Variants in NRXN1 observed in about 807,000 individuals in gnomAD.
The protein encoded by NRXN1 is neurexin 1, also known as neurexin-1.
A neutral mutation model predicts 150.9 loss-of-function variants in NRXN1; 39 were observed. The ratio of observed to expected loss-of-function variants is 0.26; its 90% CI spans 0.20 to 0.34. The LOEUF (loss-of-function observed/expected upper bound fraction) is 0.34. Among genes scored for constraint, NRXN1 ranks in the 10% least tolerant of loss-of-function variants. The pLI is 1.00. For missense variants in NRXN1, 1,815 were observed against 1,949.9 expected, an observed-to-expected ratio of 0.93 and a Z score of 1.30; for synonymous variants, 924 against 757.0, an observed-to-expected ratio of 1.22 and a Z score of -3.62.
intron 17 of NRXN1, among the ~76,000 whole-genome samples, chr2:50,448,535 T>G (rs963651802): frequency 6.6e-6 from 1 of 152,200 alleles, no homozygotes; most frequent in Non-Finnish European, 1.5e-5. Context: ...GAACATGTAA[T>G]TTCAGATTAG....
At position 50,775,050 on chromosome 2, in the gene NRXN1, A is replaced by AAGG. The variant is rs1703441774; in HGVS notation, c.832+146818_832+146819insCCT. 4.6e-5 allele frequency among the ~76,000 whole-genome samples: 7 copies of AAGG among 152,238 alleles called. No homozygotes were observed. The South Asian group carries it at 1.5e-3, about 32-fold the overall frequency. ...AAGAACTTTGCATTCCTACTGCTCTACTCCATCCTTTGCTTTAAGCACAAA... is the reference window on the plus strand; with the variant it reads ...AAGAACTTTGCATTCCTACTGCTCTAAGGCTCCATCCTTTGCTTTAAGCACAAA... On this transcript the variant is annotated intron_variant, in intron 5 of 22. Transcript: ENST00000401669.
intron 5 of NRXN1, among the ~76,000 whole-genome samples, chr2:50,805,633 C>CT (rs141935148): frequency 0.032 from 4,909 of 152,146 alleles, 162 homozygotes; most frequent in East Asian, 0.081. Flanking sequence ...GAGTGAGACT[C>CT]TGTCAAAAGG....
intron 2 of NRXN1, among the ~76,000 whole-genome samples, chr2:51,000,686 A>AT (rs547690432): frequency 2.0e-5 from 3 of 151,838 alleles, no homozygotes; most frequent in Non-Finnish European, 4.4e-5. Context: ...AGATGTTTTG[A>AT]TTTTTTTTAA....
chr2:51,001,914 G>A (rs528730300), intron 2 of NRXN1, among the ~76,000 whole-genome samples: 24 of 152,028 alleles, frequency 1.6e-4, no homozygotes, highest in African/African-American at 5.8e-4. Context: ...ATATTCAGGT[G>A]AAAGATACCC....
intron 12 of NRXN1, among the ~76,000 whole-genome samples, chr2:50,525,551 C>T (rs549703846): frequency 1.4e-4 from 22 of 152,094 alleles, no homozygotes; most frequent in Non-Finnish European, 2.5e-4. Context: ...TTAATCTAAT[C>T]CCAAATTGTA....
intron 5 of NRXN1, among the ~76,000 whole-genome samples, chr2:50,887,003 G>C (rs1680347777): frequency 6.6e-6 from 1 of 151,272 alleles, no homozygotes; most frequent in Non-Finnish European, 1.5e-5. Context: ...ATTTGGATGA[G>C]AACTACAATA....
chr2:50,401,375 G>A (rs1023284148), intron 17 of NRXN1, among the ~76,000 whole-genome samples: 2 of 152,126 alleles, frequency 1.3e-5, no homozygotes, highest in Non-Finnish European at 2.9e-5. Flanking sequence ...GGACAGTCAG[G>A]AGATGTTCCA....
At position 50,497,623 on chromosome 2, in the gene NRXN1, G is replaced by C. The variant is rs770970511; in HGVS notation, c.2589C>G (p.Ser863=). 9.3e-6 allele frequency: 15 copies of C among 1,613,792 alleles called. No individual in the cohort carries two copies. The highest frequency in any genetic ancestry group is 1.3e-5 in the Non-Finnish European group (15 of 1,179,874). The part of the protein sequence containing the change: ...TERRYLSSVP[S]NFIGHLQSLT... ...AGCTCTGCAGGTGTCCAATGAAGTTGGAGGGGACAGAAGAAAGATACCGTC... is the reference window on the plus strand; with the variant it reads ...AGCTCTGCAGGTGTCCAATGAAGTTCGAGGGGACAGAAGAAAGATACCGTC... Residue 863 remains serine, a synonymous_variant, in exon 14 of 23, where the codon TCC becomes TCG. Coordinates refer to ENST00000401669, the MANE Select transcript of NRXN1 (RefSeq NM_001330078.2).
rs552187256 is a variant in NRXN1, at chr2:50,699,639, A to C, written c.833-76024T>G. On this transcript the variant is annotated intron_variant, in intron 5 of 22. Transcript: ENST00000401669. ...CAAGGAAACTGGACCTTAGGCCCACAACCAGAAGGGAGTGAATTTAGTCAA... is the reference window on the plus strand; with the variant it reads ...CAAGGAAACTGGACCTTAGGCCCACCACCAGAAGGGAGTGAATTTAGTCAA... Among the ~76,000 whole-genome samples the C allele has an allele frequency of 7.9e-5, 12 of 152,132 alleles. 1 individual carries two copies. The East Asian group carries it at 2.3e-3, about 30-fold the overall frequency.
chr2:50,908,623 A>T (rs1032706139), intron 5 of NRXN1, among the ~76,000 whole-genome samples: 1 of 151,312 alleles, frequency 6.6e-6, no homozygotes, highest in Admixed American at 6.6e-5. Flanking sequence ...AAGAACCAAA[A>T]AATAAAATAT....
chr2:50,996,570 A>G (rs989289746), intron 2 of NRXN1, among the ~76,000 whole-genome samples: 3 of 152,076 alleles, frequency 2.0e-5, no homozygotes, highest in Admixed American at 2.0e-4. Context: ...TTGAGTTGAC[A>G]TCCCAGATCT....
intron 5 of NRXN1, among the ~76,000 whole-genome samples, chr2:50,719,822 C>T (rs1291242097): frequency 6.6e-6 from 1 of 152,182 alleles, no homozygotes; most frequent in East Asian, 1.9e-4. Context: ...TGAAAGGCTT[C>T]CTTAGGCCAA....
intron 2 of NRXN1, among the ~76,000 whole-genome samples, chr2:51,022,258 G>A (rs1669729344): frequency 6.6e-6 from 1 of 152,022 alleles, no homozygotes; most frequent in Admixed American, 6.6e-5. Flanking sequence ...TTCACATGAA[G>A]TCACCTGCTT....
At chr2:50,791,379 G>A (rs1706016710) in intron 5 of NRXN1, among the ~76,000 whole-genome samples, 1 of 150,900 alleles carries the variant, frequency 6.6e-6, no homozygotes, top group Admixed American at 6.6e-5. Context: ...TCTCCATACA[G>A]GAGATATGTG....
intron 21 of NRXN1, among the ~76,000 whole-genome samples, chr2:49,977,339 G>A (rs1332981890): frequency 6.6e-6 from 1 of 152,128 alleles, no homozygotes; most frequent in Non-Finnish European, 1.5e-5. Flanking sequence ...AAACTGGAGG[G>A]TGCTAGCAGC....
intron 2 of NRXN1, among the ~76,000 whole-genome samples, chr2:51,006,529 AAAACTT>A (rs1700745353): frequency 6.6e-6 from 1 of 150,642 alleles, no homozygotes; most frequent in African/African-American, 2.5e-5. Flanking sequence ...CATGTACCCT[AAAACTT>A]AAAGTATAAT....
rs947631035 is a variant in NRXN1, at chr2:50,866,102, C to T, written c.832+55767G>A. On this transcript the variant is annotated intron_variant, in intron 5 of 22. Coordinates refer to ENST00000401669, the MANE Select transcript of NRXN1 (RefSeq NM_001330078.2). ...GGCTCTTTATTTAATTATGTTTCTA[C>T]GGAATTAGATTATCAGTATCAAATT... Among the ~76,000 whole-genome samples, 17 of 151,666 alleles carry T rather than the reference C, an allele frequency of 1.1e-4. No homozygotes were observed. The South Asian group carries it at 1.7e-3, about 15-fold the overall frequency.
At chr2:50,598,567 T>C (rs1390339975) in intron 8 of NRXN1, among the ~76,000 whole-genome samples, 1 of 149,050 alleles carries the variant, frequency 6.7e-6, no homozygotes, top group Non-Finnish European at 1.5e-5. Context: ...TATATATGTG[T>C]GTGTGTGTGT....
chr2:50,041,236 C>G (rs1286167409), intron 21 of NRXN1, among the ~76,000 whole-genome samples: 1 of 152,190 alleles, frequency 6.6e-6, no homozygotes, highest in Non-Finnish European at 1.5e-5. Flanking sequence ...CAACATGTCC[C>G]TCTAATCTCT....
Sources: gnomAD v4.1 joint callset for allele counts (sites outside exome capture counted in the v4.1 genomes callset) on GRCh38, gnomAD v4.1.1 for gene constraint, MANE v1.5 for transcripts, NCBI Gene and HGNC (gene_info 2026-07-23, HGNC 2026-07-21) for gene names.